ADTRP: variants seen among roughly 807,000 people sequenced by gnomAD.
ADTRP encodes the protein androgen-dependent TFPI-regulating protein.
A neutral mutation model predicts 27.0 loss-of-function variants in ADTRP; 20 were observed. That is an observed-to-expected ratio of 0.74 (90% CI 0.52 to 1.08). The LOEUF (loss-of-function observed/expected upper bound fraction) is 1.08. Ranked by LOEUF, ADTRP falls within the 50% of genes least tolerant of loss-of-function variation. The pLI is 0.00. For synonymous variants in ADTRP, 101 were observed against 105.2 expected (o/e 0.96, Z 0.25); for missense variants, 251 against 275.0 (o/e 0.91, Z 0.62).
chr6:11,756,320 C>T (rs183550699), intron 3 of ADTRP, among the ~76,000 whole-genome samples: 89 of 148,506 alleles, frequency 6.0e-4, no homozygotes, highest in African/African-American at 2.0e-3. Context: ...GGTGACAAAG[C>T]GAGACTGTGT....
intron 3 of ADTRP, among the ~76,000 whole-genome samples, chr6:11,758,596 A>G (rs976163216): frequency 7.0e-6 from 1 of 143,272 alleles, no homozygotes; most frequent in Non-Finnish European, 1.5e-5. Context: ...GACGGATAGC[A>G]TTAGGAGGTA....
intron 1 of ADTRP, 117 bp from the exon 2 acceptor site, chr6:11,768,500 G>A: frequency 7.4e-7 from 1 of 1,359,088 alleles, no homozygotes; most frequent in East Asian, 2.4e-5. Context: ...GAGGGCTGTT[G>A]GGTTGTTTTG....
At chr6:11,762,162 C>A (rs1441559886) in intron 3 of ADTRP, among the ~76,000 whole-genome samples, 1 of 152,222 alleles carries the variant, frequency 6.6e-6, no homozygotes, top group Non-Finnish European at 1.5e-5. Flanking sequence ...GACTTCCCAG[C>A]ACATCCCTGG....
At chr6:11,777,778 G>A (rs1051923432) in intron 1 of ADTRP, among the ~76,000 whole-genome samples, 4 of 152,068 alleles carry the variant, frequency 2.6e-5, no homozygotes, top group Admixed American at 6.6e-5. Context: ...TACATTCTCC[G>A]CTTGTCAAAT....
chr6:11,750,856 A>C (rs1763022660), intron 3 of ADTRP, among the ~76,000 whole-genome samples: 1 of 152,106 alleles, frequency 6.6e-6, no homozygotes, highest in Non-Finnish European at 1.5e-5. Flanking sequence ...TAATCTATTT[A>C]TTTATTTACT....
chr6:11,753,735 C>T (rs1469580616), intron 3 of ADTRP, among the ~76,000 whole-genome samples: 2 of 152,122 alleles, frequency 1.3e-5, no homozygotes, highest in African/African-American at 2.4e-5. Flanking sequence ...ATCACTGCTA[C>T]AAAATAATAT....
At chr6:11,721,508 T>C (rs1429479804) in intron 5 of ADTRP, among the ~76,000 whole-genome samples, 1 of 152,254 alleles carries the variant, frequency 6.6e-6, no homozygotes, top group Non-Finnish European at 1.5e-5. Context: ...AATCTAATTT[T>C]TCTTTAATTC....
At chr6:11,714,720 C>T (rs1157768819) in intron 5 of ADTRP, among the ~76,000 whole-genome samples, 1 of 152,218 alleles carries the variant, frequency 6.6e-6, no homozygotes, top group East Asian at 1.9e-4. Flanking sequence ...TCCCTCAGTG[C>T]TGGGTTCACA....
chr6:11,723,419 G>A lies in ADTRP; in HGVS notation c.588C>T (p.Phe196=). The A allele has an allele frequency of 6.2e-7, 1 of 1,614,164 alleles. No individual in the cohort carries two copies. Among genetic ancestry groups the A allele is most frequent in the Non-Finnish European group, 8.5e-7 (1 of 1,180,032 alleles). The change falls in exon 5 of 6, where the codon TTC becomes TTT. Residue 196 remains phenylalanine, a synonymous_variant. Coordinates refer to ENST00000414691, the MANE Select transcript of ADTRP (RefSeq NM_032744.4). ...CGATGAAGACGTAGCTGAGAGAGAA[G>A]AAAGCTGCTAGACCCAAGAGGCTGA... ...AKLSLLGLAA[F]FSLSYVFIAS...
In ADTRP at chr6:11,753,628, A is replaced by G. The variant is rs1204870066; in HGVS notation, c.390+12646T>C. Among the ~76,000 whole-genome samples, 4 of 152,318 alleles carry G rather than the reference A, an allele frequency of 2.6e-5. No homozygotes were observed. The East Asian group carries it at 7.7e-4, about 29-fold the overall frequency. ...TATGCATATTAATTAAAATGTTCCCATATATAAGCCTTAAACTAAACTCCC... is the reference window on the plus strand; with the variant it reads ...TATGCATATTAATTAAAATGTTCCCGTATATAAGCCTTAAACTAAACTCCC... On this transcript the variant is annotated intron_variant, in intron 3 of 5. Transcript: ENST00000414691.
At chr6:11,765,305 G>A (rs1031672035) in intron 3 of ADTRP, among the ~76,000 whole-genome samples, 46 of 147,088 alleles carry the variant, frequency 3.1e-4, no homozygotes, top group African/African-American at 1.1e-3. Context: ...CCACTTCCTT[G>A]TGCCTTTCCC....
chr6:11,729,355 T>C (rs763630335), intron 4 of ADTRP, among the ~76,000 whole-genome samples: 15 of 152,128 alleles, frequency 9.9e-5, no homozygotes, highest in Non-Finnish European at 1.9e-4. Context: ...TCACGGCATT[T>C]AGAGCTGTTG....
intron 3 of ADTRP, among the ~76,000 whole-genome samples, chr6:11,758,583 G>GC (rs1394597701): frequency 8.5e-6 from 1 of 117,664 alleles, no homozygotes; most frequent in African/African-American, 3.1e-5. Context: ...GGTGGGGGGG[G>GC]GGGACGGATA....
At chr6:11,745,291 T>C (rs1581340514) in intron 3 of ADTRP, among the ~76,000 whole-genome samples, 1 of 152,186 alleles carries the variant, frequency 6.6e-6, no homozygotes, top group East Asian at 1.9e-4. Flanking sequence ...GAAGTTGTTT[T>C]CCTAGGAAAT....
intron 4 of ADTRP, among the ~76,000 whole-genome samples, chr6:11,729,439 C>T (rs1300212558): frequency 6.6e-6 from 1 of 152,182 alleles, no homozygotes; most frequent in Non-Finnish European, 1.5e-5. Context: ...TTTCTAACTT[C>T]CTGCCCTTCT....
At chr6:11,763,119 G>C (rs1763445878) in intron 3 of ADTRP, among the ~76,000 whole-genome samples, 1 of 152,178 alleles carries the variant, frequency 6.6e-6, no homozygotes, top group Admixed American at 6.5e-5. Flanking sequence ...ATATCTCACT[G>C]ATGTTTCTAT....
chr6:11,734,341 C>G (rs1460785358), intron 4 of ADTRP, among the ~76,000 whole-genome samples: 4 of 152,218 alleles, frequency 2.6e-5, no homozygotes, highest in Non-Finnish European at 5.9e-5. Context: ...GGTAATGCCT[C>G]AGAATCCTTT....
intron 5 of ADTRP, chr6:11,717,336 GC>G (rs1761865463): frequency 7.7e-7 from 1 of 1,304,118 alleles, no homozygotes; most frequent in Non-Finnish European, 1.0e-6. Flanking sequence ...TTGGTGCTTG[GC>G]TGGTGACTTC....
intron 5 of ADTRP, among the ~76,000 whole-genome samples, chr6:11,720,843 C>G (rs886202146): frequency 3.3e-5 from 5 of 152,178 alleles, no homozygotes; most frequent in Admixed American, 3.3e-4. Context: ...CAATACTCTA[C>G]AGCCATTAGA....
Sources: gnomAD v4.1 joint callset for allele counts (sites outside exome capture counted in the v4.1 genomes callset) on GRCh38, gnomAD v4.1.1 for gene constraint, MANE v1.5 for transcripts, NCBI Gene and HGNC (gene_info 2026-07-23, HGNC 2026-07-21) for gene names.